Variants in CFAP91 observed in about 807,000 individuals in gnomAD.
CFAP91 encodes the protein cilia and flagella associated protein 91.
In CFAP91, 85 loss-of-function variants were observed where a neutral mutation model predicts 95.9. The ratio of observed to expected loss-of-function variants is 0.89; its 90% CI spans 0.74 to 1.06. The LOEUF (loss-of-function observed/expected upper bound fraction) is 1.06, where lower values mean the gene tolerates loss of function less well. Ranked by LOEUF, CFAP91 falls within the 50% of genes least tolerant of loss-of-function variation. The pLI is 0.00. For missense variants in CFAP91, 962 were observed against 943.4 expected, an observed-to-expected ratio of 1.02 and a Z score of -0.26; for synonymous variants, 335 against 327.5, an observed-to-expected ratio of 1.02 and a Z score of -0.25.
At chr3:119,715,533 C>G (rs955343535) in intron 5 of CFAP91, 29 bp from the exon 6 acceptor site, 3 of 1,593,456 alleles carry the variant, frequency 1.9e-6, no homozygotes, top group Non-Finnish European at 2.6e-6. Context: ...TAACAGGTTT[C>G]AATTTTTAAA....
intron 1 of CFAP91, among the ~76,000 whole-genome samples, chr3:119,703,432 A>G (rs2053297558): frequency 6.6e-6 from 1 of 152,184 alleles, no homozygotes; most frequent in African/African-American, 2.4e-5. Flanking sequence ...GGTACATCGA[A>G]AGGCGCGGGT....
In CFAP91 at chr3:119,739,339, A is replaced by C. The variant is rs2054071887; in HGVS notation, c.1533+13A>C. On this transcript the variant is annotated intron_variant, in intron 12 of 17. Transcript: ENST00000273390. The stretch of plus-strand genomic sequence containing the variant: ...CGTTCAGAACATGGTGTGTAGGTCC[A>C]ACCGCTGGCCCTGCATTTCTCTTTT... 2 of 1,612,478 alleles carry C rather than the reference A, an allele frequency of 1.2e-6. No homozygotes were observed. The highest frequency in any genetic ancestry group is 1.7e-6 in the Non-Finnish European group (2 of 1,178,742).
chr3:119,749,410 A>G (rs894573509), intron 16 of CFAP91, among the ~76,000 whole-genome samples: 1 of 152,084 alleles, frequency 6.6e-6, no homozygotes, highest in Non-Finnish European at 1.5e-5. Context: ...TGTAGTCCCA[A>G]CTACTCAGGA....
chr3:119,723,856 G>A (rs1406126822), intron 6 of CFAP91, among the ~76,000 whole-genome samples: 3 of 152,076 alleles, frequency 2.0e-5, no homozygotes, highest in African/African-American at 7.2e-5. Flanking sequence ...AAAAGTGCTT[G>A]GCATAATAAA....
At position 119,737,432 on chromosome 3, in the gene CFAP91, C is replaced by G; in HGVS notation, c.1411C>G (p.Pro471Ala). ...KKPPRFLQRNPIPQPRLPTPT... is the reference protein window; with the variant it reads ...KKPPRFLQRNAIPQPRLPTPT... ...ACCCCCTCGCTTCCTTCAAAGAAAC[C>G]CAATACCTCAACCTCGGCTTCCAAC... Residue 471 changes from proline (P) to alanine (A), a missense_variant, in exon 11 of 18, where the codon CCA becomes GCA. Coordinates refer to ENST00000273390, the MANE Select transcript of CFAP91 (RefSeq NM_033364.4). 2 of 1,611,194 alleles carry G rather than the reference C, an allele frequency of 1.2e-6. No individual in the cohort carries two copies. The highest frequency in any genetic ancestry group is 2.2e-5 in the East Asian group (1 of 44,680).
At chr3:119,748,059 G>A (rs2054258779) in intron 16 of CFAP91, among the ~76,000 whole-genome samples, 157 bp downstream of exon 16, 1 of 152,152 alleles carries the variant, frequency 6.6e-6, no homozygotes, top group South Asian at 2.1e-4. Flanking sequence ...TCTTCATGCT[G>A]CCTGATTCTA....
chr3:119,709,091 A>G (rs910474801), intron 4 of CFAP91, among the ~76,000 whole-genome samples: 8 of 152,222 alleles, frequency 5.3e-5, no homozygotes, highest in East Asian at 1.9e-4. Flanking sequence ...AAGGGATAAC[A>G]TTTGTTCTCT....
intron 7 of CFAP91, among the ~76,000 whole-genome samples, chr3:119,727,295 T>C (rs1168373182): frequency 6.6e-6 from 1 of 152,204 alleles, no homozygotes; most frequent in African/African-American, 2.4e-5. Flanking sequence ...TTGTGATGTT[T>C]TGATAAAAGC....
At chr3:119,708,844 A>G (rs1027563244) in intron 4 of CFAP91, among the ~76,000 whole-genome samples, 170 bp downstream of exon 4, 2 of 152,244 alleles carry the variant, frequency 1.3e-5, no homozygotes, top group African/African-American at 2.4e-5. Context: ...GCTAAGATAT[A>G]TATGATCCCT....
chr3:119,751,243 C>A (rs1008297674), intron 17 of CFAP91, 145 bp downstream of exon 17: 28 of 875,772 alleles, frequency 3.2e-5, no homozygotes, highest in South Asian at 6.0e-5. Flanking sequence ...CACATTTCCT[C>A]TAGTTTATGT....
In CFAP91 at chr3:119,743,949, CTTAAAG is replaced by C; in HGVS notation, c.1681-22_1681-17del. On this transcript the variant is annotated intron_variant, in intron 13 of 17. Transcript: ENST00000273390. ...CACCACTCATAATGGAATTTGTGTC[CTTAAAG>C]TTATGTTATTCTTTTCAAGGTGTCA... 1 of 1,558,234 alleles carries C rather than the reference CTTAAAG, an allele frequency of 6.4e-7. No homozygotes were observed. The highest frequency in any genetic ancestry group is 8.7e-7 in the Non-Finnish European group (1 of 1,147,262).
At chr3:119,711,355 C>T (rs1425805816) in intron 5 of CFAP91, among the ~76,000 whole-genome samples, 1 of 152,176 alleles carries the variant, frequency 6.6e-6, no homozygotes, top group East Asian at 1.9e-4. Flanking sequence ...AAAAGGGGAG[C>T]TATGAGCTAT....
chr3:119,742,344 C>T (rs1412879125), intron 13 of CFAP91, among the ~76,000 whole-genome samples: 1 of 152,202 alleles, frequency 6.6e-6, no homozygotes, highest in Non-Finnish European at 1.5e-5. Flanking sequence ...CCCCTTCCCC[C>T]TTCTCTTATA....
At chr3:119,722,098 G>T (rs1338203242) in intron 6 of CFAP91, among the ~76,000 whole-genome samples, 1 of 150,750 alleles carries the variant, frequency 6.6e-6, no homozygotes, top group Non-Finnish European at 1.5e-5. Context: ...TGAGCCCAGG[G>T]GTTCAAGGTT....
chr3:119,733,381 T>G lies in CFAP91; in HGVS notation c.1219T>G (p.Ser407Ala). The change falls in exon 10 of 18, where the codon TCA (serine) becomes GCA (alanine). Residue 407 changes from serine (S) to alanine (A), a missense_variant. By Grantham distance (99) the Ser-to-Ala change is moderately conservative. Transcript: ENST00000273390. ...NTYEGLVELE[S>A]CLPDFVTQPQ... Reference sequence around the variant, plus strand: ...TCCCATAGGATTAGTGGAACTTGAGTCATGTCTCCCAGATTTTGTGACACA... The same window carrying G: ...TCCCATAGGATTAGTGGAACTTGAGGCATGTCTCCCAGATTTTGTGACACA... 6.2e-7 allele frequency: 1 copy of G among 1,613,970 alleles called. No homozygotes were observed. Among genetic ancestry groups the G allele is most frequent in the Non-Finnish European group, 8.5e-7 (1 of 1,179,944 alleles).
At chr3:119,760,749 G>A (rs1156851028) in intron 17 of CFAP91, among the ~76,000 whole-genome samples, 1 of 151,126 alleles carries the variant, frequency 6.6e-6, no homozygotes, top group Non-Finnish European at 1.5e-5. Flanking sequence ...GAATTACATG[G>A]AAATTAAACA....
intron 6 of CFAP91, among the ~76,000 whole-genome samples, chr3:119,718,087 A>G (rs1216988626): frequency 2.6e-5 from 4 of 152,234 alleles, no homozygotes; most frequent in Admixed American, 2.0e-4. Flanking sequence ...TCTCCACCCA[A>G]GAACCCCAAA....
At chr3:119,744,267 C>A in intron 14 of CFAP91, 71 bp downstream of exon 14, 2 of 1,224,144 alleles carry the variant, frequency 1.6e-6, no homozygotes, top group Non-Finnish European at 2.3e-6. Context: ...AAGCTCATGA[C>A]ATAAAATGGC....
intron 6 of CFAP91, among the ~76,000 whole-genome samples, chr3:119,716,510 GA>G (rs1263560636): frequency 6.6e-6 from 1 of 152,210 alleles, no homozygotes; most frequent in African/African-American, 2.4e-5. Flanking sequence ...CCCAGACAAA[GA>G]AGATGTTCAT....
Sources: allele counts gnomAD v4.1 joint callset (sites outside exome capture counted in the v4.1 genomes callset), GRCh38; gene constraint gnomAD v4.1.1; transcripts MANE v1.5; gene names NCBI Gene and HGNC (gene_info 2026-07-23, HGNC 2026-07-21).